NCAM2: variants seen among roughly 807,000 people sequenced by gnomAD.
NCAM2 encodes the protein N-CAM-2.
Under a neutral mutation model 98.1 loss-of-function variants are expected in NCAM2, and 30 were observed. That is an observed-to-expected ratio of 0.31 (90% CI 0.23 to 0.41). NCAM2 has a LOEUF of 0.41. Ranked by LOEUF, NCAM2 falls within the 10% of genes least tolerant of loss-of-function variation. NCAM2 has a pLI of 1.00. For missense variants in NCAM2, 867 were observed against 1,005.8 expected (o/e 0.86, Z 1.87); for synonymous variants, 368 against 342.4 (o/e 1.07, Z -0.83).
chr21:21,247,428 A>G (rs952473479), intron 1 of NCAM2, among the ~76,000 whole-genome samples: 2 of 152,234 alleles, frequency 1.3e-5, no homozygotes, highest in African/African-American at 4.8e-5. Context: ...AATTTCTGAA[A>G]TTAAAAGTTT....
intron 1 of NCAM2, among the ~76,000 whole-genome samples, chr21:21,011,968 A>G (rs533051490): frequency 1.3e-5 from 2 of 152,094 alleles, no homozygotes; most frequent in South Asian, 4.1e-4. Flanking sequence ...CTGTTATAAA[A>G]AAGACAAAAT....
chr21:21,117,784 A>G (rs925663252), intron 1 of NCAM2, among the ~76,000 whole-genome samples: 5 of 152,074 alleles, frequency 3.3e-5, no homozygotes, highest in African/African-American at 4.8e-5. Context: ...TCTTTCCTTG[A>G]TTAATCGTGG....
rs566916230 is a variant in NCAM2, at chr21:21,385,238, G to A, written c.1195+11225G>A. On this transcript the variant is annotated intron_variant, in intron 9 of 17. Transcript: ENST00000400546. Reference sequence around the variant, plus strand: ...AGTAATAAAACTCTTAGTACCTTATGTGAAAGGCCACAAAAAGCTATTGTC... The same window carrying A: ...AGTAATAAAACTCTTAGTACCTTATATGAAAGGCCACAAAAAGCTATTGTC... Among the ~76,000 whole-genome samples the A allele has an allele frequency of 7.2e-5, 11 of 152,042 alleles. No individual in the cohort carries two copies. The East Asian group carries it at 1.7e-3, about 24-fold the overall frequency.
intron 15 of NCAM2, among the ~76,000 whole-genome samples, chr21:21,492,643 C>A (rs1190680787): frequency 1.3e-5 from 2 of 151,590 alleles, no homozygotes; most frequent in Non-Finnish European, 3.0e-5. Context: ...TTTTTATTTA[C>A]TGTCCACTAA....
intron 9 of NCAM2, 106 bp from the exon 10 acceptor site, chr21:21,410,168 A>C (rs1447078249): frequency 1.6e-6 from 1 of 639,840 alleles, no homozygotes; most frequent in Admixed American, 4.3e-5. Flanking sequence ...AATTAGAATT[A>C]TGTGGCTTCT....
intron 5 of NCAM2, among the ~76,000 whole-genome samples, chr21:21,311,089 G>C (rs1490508415): frequency 6.6e-6 from 1 of 152,112 alleles, no homozygotes; most frequent in Non-Finnish European, 1.5e-5. Flanking sequence ...TCCATTGAAA[G>C]TTTCACAACA....
At chr21:21,485,030 G>A (rs1039780115) in intron 15 of NCAM2, among the ~76,000 whole-genome samples, 3 of 148,348 alleles carry the variant, frequency 2.0e-5, no homozygotes, top group Non-Finnish European at 3.1e-5. Flanking sequence ...TTACTTTTAA[G>A]TATAAGTTTC....
chr21:21,302,619 G>A (rs79094632), intron 5 of NCAM2, among the ~76,000 whole-genome samples: 2,812 of 152,150 alleles, frequency 0.018, 92 homozygotes, highest in East Asian at 0.15. Context: ...GTTGAAGGCT[G>A]CAGAGAAAAG....
At chr21:21,364,577 ATG>A (rs1234735984) in intron 8 of NCAM2, among the ~76,000 whole-genome samples, 2 of 151,994 alleles carry the variant, frequency 1.3e-5, no homozygotes, top group African/African-American at 4.8e-5. Flanking sequence ...TAAAAAGAAA[ATG>A]TATGTGTAGC....
intron 1 of NCAM2, among the ~76,000 whole-genome samples, chr21:21,085,274 G>T (rs542003804): frequency 1.6e-4 from 24 of 151,860 alleles, no homozygotes; most frequent in South Asian, 1.3e-3. Flanking sequence ...TTCTTGAAAG[G>T]ATGCATGCAC....
intron 5 of NCAM2, among the ~76,000 whole-genome samples, chr21:21,323,008 T>A (rs1296179692): frequency 1.3e-5 from 2 of 152,132 alleles, no homozygotes; most frequent in African/African-American, 2.4e-5. Context: ...ACTTAACACA[T>A]ACAGAATACA....
intron 1 of NCAM2, among the ~76,000 whole-genome samples, chr21:21,180,592 G>C (rs2068437706): frequency 6.6e-6 from 1 of 152,106 alleles, no homozygotes; most frequent in African/African-American, 2.4e-5. Context: ...AGATATAGAT[G>C]TTTCCAGAGA....
intron 1 of NCAM2, among the ~76,000 whole-genome samples, chr21:21,118,333 G>T (rs1290364013): frequency 6.6e-6 from 1 of 151,592 alleles, no homozygotes; most frequent in Admixed American, 6.7e-5. Flanking sequence ...AAGATGCAGC[G>T]GGGGGGCAGG....
At chr21:21,450,793 TACACACACACACACACACACAC>T (rs71195329) in intron 12 of NCAM2, among the ~76,000 whole-genome samples, 8 of 143,428 alleles carry the variant, frequency 5.6e-5, no homozygotes, top group Non-Finnish European at 4.5e-5. Context: ...TATGTATGTA[TACACACACACACACACACACAC>T]ACACACACAC....
intron 14 of NCAM2, among the ~76,000 whole-genome samples, chr21:21,475,120 T>A (rs1028670987): frequency 2.0e-5 from 3 of 152,012 alleles, no homozygotes; most frequent in Non-Finnish European, 4.4e-5. Flanking sequence ...CCAGTGATTA[T>A]GCATCTAAGG....
chr21:21,011,767 G>GATA (rs2064216276), intron 1 of NCAM2, among the ~76,000 whole-genome samples: 1 of 151,972 alleles, frequency 6.6e-6, no homozygotes, highest in East Asian at 1.9e-4. Context: ...TATATAAGTA[G>GATA]TTCAGATAAC....
chr21:21,024,253 G>A (rs2064495610), intron 1 of NCAM2, among the ~76,000 whole-genome samples: 1 of 152,140 alleles, frequency 6.6e-6, no homozygotes, highest in African/African-American at 2.4e-5. Context: ...GTTTTGTTCT[G>A]ACACCTACAG....
intron 1 of NCAM2, among the ~76,000 whole-genome samples, chr21:21,200,463 C>T (rs1249422911): frequency 6.8e-6 from 1 of 147,934 alleles, no homozygotes. Context: ...AACAGTTTTA[C>T]TAGCTGTTAC....
intron 11 of NCAM2, among the ~76,000 whole-genome samples, chr21:21,427,337 G>C (rs1264642384): frequency 1.3e-5 from 2 of 152,098 alleles, no homozygotes; most frequent in Non-Finnish European, 2.9e-5. Context: ...TTTTGGAGAA[G>C]ACAAAAGGAA....
Sources: allele counts gnomAD v4.1 joint callset (sites outside exome capture counted in the v4.1 genomes callset), GRCh38; gene constraint gnomAD v4.1.1; transcripts MANE v1.5; gene names NCBI Gene and HGNC (gene_info 2026-07-23, HGNC 2026-07-21).